Variants in SENP6 observed in about 807,000 individuals in gnomAD.
SENP6 encodes sentrin-specific protease 6.
A neutral mutation model predicts 134.5 loss-of-function variants in SENP6; 41 were observed. The observed-to-expected ratio is 0.30, with a 90% CI of 0.24 to 0.40. The LOEUF (loss-of-function observed/expected upper bound fraction) is 0.40, where lower values mean the gene tolerates loss of function less well. Among genes scored for constraint, SENP6 ranks in the 10% least tolerant of loss-of-function variants. SENP6 has a pLI of 1.00. For synonymous variants in SENP6, 395 were observed against 429.8 expected (o/e 0.92, Z 1.00); for missense variants, 1,248 against 1,312.5 (o/e 0.95, Z 0.76).
At chr6:75,615,473 CCCTG>C (rs1767784389) in intron 1 of SENP6, among the ~76,000 whole-genome samples, 1 of 152,208 alleles carries the variant, frequency 6.6e-6, no homozygotes, top group South Asian at 2.1e-4. Flanking sequence ...AGCCACTGTG[CCCTG>C]CCTGCTAAGA....
At chr6:75,631,260 T>C (rs1390910265) in intron 3 of SENP6, among the ~76,000 whole-genome samples, 1 of 152,226 alleles carries the variant, frequency 6.6e-6, no homozygotes, top group Non-Finnish European at 1.5e-5. Context: ...AGTACTTTAC[T>C]TAAATTACAT....
chr6:75,709,433 A>G, intron 19 of SENP6, 94 bp from the exon 20 acceptor site: 1 of 758,292 alleles, frequency 1.3e-6, no homozygotes, highest in Non-Finnish European at 2.2e-6. Context: ...TGACTACTGT[A>G]TCATTAATTA....
intron 9 of SENP6, 49 bp from the exon 10 acceptor site, chr6:75,666,663 T>C: frequency 2.2e-6 from 2 of 926,306 alleles, no homozygotes; most frequent in Non-Finnish European, 2.9e-6. Flanking sequence ...AAATATAAAA[T>C]TATAACTATA....
intron 13 of SENP6, among the ~76,000 whole-genome samples, chr6:75,676,310 G>T (rs1464648841): frequency 6.6e-6 from 1 of 152,084 alleles, no homozygotes; most frequent in East Asian, 1.9e-4. Context: ...AAACCCAAAA[G>T]ATCTGCACTC....
intron 11 of SENP6, among the ~76,000 whole-genome samples, chr6:75,671,280 G>A (rs1254600720): frequency 6.6e-6 from 1 of 151,936 alleles, no homozygotes; most frequent in African/African-American, 2.4e-5. Context: ...TTTCTCTAAT[G>A]TATTCTAAAC....
chr6:75,622,669 CA>C (rs1156880479), intron 2 of SENP6: 1 of 628,010 alleles, frequency 1.6e-6, no homozygotes, highest in African/African-American at 1.9e-5. Flanking sequence ...AATATACACA[CA>C]AAGTTCTACC....
At chr6:75,654,839 C>T (rs1228868021) in intron 7 of SENP6, 1 of 152,176 alleles carries the variant, frequency 6.6e-6, no homozygotes, top group Non-Finnish European at 1.5e-5. Flanking sequence ...AAAGTTGAGA[C>T]TTCTACAGTG....
intron 3 of SENP6, among the ~76,000 whole-genome samples, chr6:75,632,461 T>G (rs1769185846): frequency 6.6e-6 from 1 of 152,212 alleles, no homozygotes; most frequent in African/African-American, 2.4e-5. Context: ...ACATAGTATA[T>G]GACACTAGCA....
intron 14 of SENP6, chr6:75,677,459 A>C (rs1031566742): frequency 1.8e-5 from 8 of 440,550 alleles, no homozygotes; most frequent in Non-Finnish European, 2.8e-5. Flanking sequence ...TACAGGTCTC[A>C]GAAGCATTTT....
intron 18 of SENP6, among the ~76,000 whole-genome samples, chr6:75,699,188 A>G (rs182682028): frequency 2.0e-5 from 3 of 152,228 alleles, no homozygotes; most frequent in African/African-American, 7.2e-5. Context: ...TACACGATTT[A>G]GGAATAGAGG....
intron 3 of SENP6, 118 bp from the exon 4 acceptor site, chr6:75,633,463 C>A: frequency 3.8e-6 from 3 of 796,762 alleles, no homozygotes; most frequent in Non-Finnish European, 3.8e-6. Context: ...CCAATGCTAT[C>A]CACCATCATT....
chr6:75,685,137 G>C (rs1461156524), intron 16 of SENP6, among the ~76,000 whole-genome samples: 1 of 152,118 alleles, frequency 6.6e-6, no homozygotes, highest in East Asian at 1.9e-4. Context: ...GAGGGTGTAT[G>C]TGTCCAGGAA....
At chr6:75,619,596 G>C (rs1417476347) in intron 1 of SENP6, among the ~76,000 whole-genome samples, 1 of 152,040 alleles carries the variant, frequency 6.6e-6, no homozygotes, top group Non-Finnish European at 1.5e-5. Context: ...GTGTCTGTTT[G>C]AATACATGCT....
chr6:75,666,585 A>C, intron 9 of SENP6, 127 bp from the exon 10 acceptor site: 1 of 331,910 alleles, frequency 3.0e-6, no homozygotes. Flanking sequence ...GATCTGGAGG[A>C]GGTCCAAAGC....
chr6:75,622,041 A>G (rs191818632), intron 2 of SENP6, among the ~76,000 whole-genome samples: 1 of 152,254 alleles, frequency 6.6e-6, no homozygotes. Context: ...TTTCTTCCCC[A>G]GTTGTGACCA....
At chr6:75,659,041 C>T (rs1336696716) in intron 7 of SENP6, among the ~76,000 whole-genome samples, 1 of 144,830 alleles carries the variant, frequency 6.9e-6, no homozygotes, top group Admixed American at 7.0e-5. Context: ...ACAGGAAGGG[C>T]TTCTGTTACC....
intron 1 of SENP6, among the ~76,000 whole-genome samples, chr6:75,613,824 C>A (rs1395319301): frequency 6.6e-6 from 1 of 152,084 alleles, no homozygotes; most frequent in Non-Finnish European, 1.5e-5. Context: ...TGATACAATA[C>A]TATAATCTAC....
chr6:75,672,917 TC>T (rs879489718), intron 11 of SENP6, among the ~76,000 whole-genome samples: 2 of 152,122 alleles, frequency 1.3e-5, no homozygotes, highest in Non-Finnish European at 2.9e-5. Flanking sequence ...AAGCTCCGCC[TC>T]CTGGGTTCAT....
chr6:75,638,614 ATATATATATTTTTTTTTT>A (rs1426103052), intron 5 of SENP6, among the ~76,000 whole-genome samples: 25 of 35,868 alleles, frequency 7.0e-4, no homozygotes, highest in South Asian at 2.9e-3. Context: ...ATATATATAT[ATATATATATTTTTTTTTT>A]TTTTTTTTTT....
Sources: allele counts gnomAD v4.1 joint callset (sites outside exome capture counted in the v4.1 genomes callset), GRCh38; gene constraint gnomAD v4.1.1; transcripts MANE v1.5; gene names NCBI Gene and HGNC (gene_info 2026-07-23, HGNC 2026-07-21).